The following SLC35F2 variants were observed in gnomAD, a reference collection of about 807,000 sequenced individuals.
SLC35F2 encodes solute carrier family 35 member F2.
In SLC35F2, 25 loss-of-function variants were observed where a neutral mutation model predicts 38.1. That is an observed-to-expected ratio of 0.66 (90% CI 0.48 to 0.92). The LOEUF (loss-of-function observed/expected upper bound fraction) is 0.92. Among genes scored for constraint, SLC35F2 ranks in the 40% least tolerant of loss-of-function variants. The pLI is 0.00. For missense variants in SLC35F2, 409 were observed against 452.9 expected (o/e 0.90, Z 0.88); for synonymous variants, 173 against 181.7 (o/e 0.95, Z 0.38).
chr11:107,807,481 A>G (rs1405523780), intron 3 of SLC35F2, among the ~76,000 whole-genome samples: 2 of 151,998 alleles, frequency 1.3e-5, no homozygotes, highest in Non-Finnish European at 2.9e-5. Context: ...AATACAATGG[A>G]AGAGTCAGTT....
intron 7 of SLC35F2, among the ~76,000 whole-genome samples, chr11:107,797,995 T>G (rs201427252): frequency 0.093 from 14,157 of 151,964 alleles, 1,627 homozygotes; most frequent in East Asian, 0.28. Flanking sequence ...TTTATTTTTT[T>G]TTGTTATTTT....
chr11:107,800,855 G>A (rs1347456108), intron 7 of SLC35F2, among the ~76,000 whole-genome samples: 1 of 151,784 alleles, frequency 6.6e-6, no homozygotes. Context: ...AATCCTTGAG[G>A]GGACCTAAAA....
At chr11:107,839,997 G>C (rs1337287916) in intron 1 of SLC35F2, among the ~76,000 whole-genome samples, 1 of 152,142 alleles carries the variant, frequency 6.6e-6, no homozygotes, top group South Asian at 2.1e-4. Flanking sequence ...ATATGGGTCA[G>C]AGGAACTTAA....
At chr11:107,825,398 G>C (rs1591198004) in intron 1 of SLC35F2, among the ~76,000 whole-genome samples, 1 of 139,024 alleles carries the variant, frequency 7.2e-6, no homozygotes, top group East Asian at 2.1e-4. Flanking sequence ...TTGAGATGGA[G>C]TCTCGATCTG....
At chr11:107,844,745 C>A (rs1431814484) in intron 1 of SLC35F2, among the ~76,000 whole-genome samples, 1 of 151,962 alleles carries the variant, frequency 6.6e-6, no homozygotes, top group African/African-American at 2.4e-5. Context: ...GAGGCCAAAG[C>A]GGGCGGATCA....
At chr11:107,858,102 G>A in intron 1 of SLC35F2, among the ~76,000 whole-genome samples, 1 of 152,184 alleles carries the variant, frequency 6.6e-6, no homozygotes, top group Non-Finnish European at 1.5e-5. Context: ...CTGGACCCCA[G>A]CCCTGGGGGT....
intron 1 of SLC35F2, among the ~76,000 whole-genome samples, chr11:107,839,490 G>T (rs548824909): frequency 6.6e-6 from 1 of 152,174 alleles, no homozygotes; most frequent in Non-Finnish European, 1.5e-5. Context: ...ATATTACCCT[G>T]CCTCTCTAAC....
chr11:107,805,115 G>C, intron 5 of SLC35F2: 1 of 985,332 alleles, frequency 1.0e-6, no homozygotes, highest in Non-Finnish European at 1.2e-6. Flanking sequence ...TCTACCACAT[G>C]GTAATCAGGA....
At chr11:107,829,385 C>A (rs1039070529) in intron 1 of SLC35F2, among the ~76,000 whole-genome samples, 2 of 151,204 alleles carry the variant, frequency 1.3e-5, no homozygotes, top group African/African-American at 4.9e-5. Flanking sequence ...TGCCACCGCA[C>A]TACAGTCTGG....
intron 3 of SLC35F2, among the ~76,000 whole-genome samples, chr11:107,811,413 A>G (rs1238514026): frequency 6.6e-6 from 1 of 152,198 alleles, no homozygotes; most frequent in Non-Finnish European, 1.5e-5. Context: ...TGCCAACTAA[A>G]TATTTATGCT....
At chr11:107,800,776 G>C (rs753071346) in intron 7 of SLC35F2, among the ~76,000 whole-genome samples, 1 of 152,042 alleles carries the variant, frequency 6.6e-6, no homozygotes, top group Non-Finnish European at 1.5e-5. Context: ...TGTAGGGATG[G>C]GGTTTTACCA....
chr11:107,837,157 A>C (rs1232682860), intron 1 of SLC35F2, among the ~76,000 whole-genome samples: 1 of 152,204 alleles, frequency 6.6e-6, no homozygotes, highest in Non-Finnish European at 1.5e-5. Flanking sequence ...AGTGAAGAAC[A>C]CAGGGGACAC....
intron 1 of SLC35F2, among the ~76,000 whole-genome samples, chr11:107,844,924 C>T (rs1477968657): frequency 1.4e-5 from 2 of 147,830 alleles, no homozygotes; most frequent in African/African-American, 2.5e-5. Context: ...TGCAGTGAGC[C>T]GAGATCACGT....
In SLC35F2 at chr11:107,803,405, C is replaced by T. The variant is rs924133240; in HGVS notation, c.785-250G>A. The T allele has an allele frequency of 4.5e-4, 446 of 985,234 alleles. 5 individuals are homozygous for T. Among genetic ancestry groups the T allele is most frequent in the Non-Finnish European group, 1.4e-4 (113 of 829,914 alleles). 61.0% of individuals were successfully genotyped at this position (985,234 alleles called of 1,614,324 possible). ...TATTGGATGATCAAGGTCAGAAAAT[C>T]CTGCTTATGGTGTGACAGTCCATTG... On this transcript the variant is annotated intron_variant, in intron 6 of 7. Coordinates refer to ENST00000525815, the MANE Select transcript of SLC35F2 (RefSeq NM_017515.5).
intron 4 of SLC35F2, among the ~76,000 whole-genome samples, chr11:107,806,143 T>G (rs1187011683): frequency 6.6e-6 from 1 of 152,192 alleles, no homozygotes; most frequent in African/African-American, 2.4e-5. Context: ...TCTGCTGTAA[T>G]TTTTCATAAT....
chr11:107,836,134 A>C (rs1260518764), intron 1 of SLC35F2, among the ~76,000 whole-genome samples: 1 of 152,214 alleles, frequency 6.6e-6, no homozygotes, highest in Non-Finnish European at 1.5e-5. Flanking sequence ...TTATTGGTTT[A>C]TTATTTCAAA....
chr11:107,814,478 A>C (rs61473755), intron 2 of SLC35F2, among the ~76,000 whole-genome samples: 3,799 of 150,896 alleles, frequency 0.025, 159 homozygotes, highest in African/African-American at 0.087. Flanking sequence ...AAAAAAGAAG[A>C]AGCTGCAGCT....
At position 107,806,734 on chromosome 11, in the gene SLC35F2, C is replaced by T. The variant is rs1356148493; in HGVS notation, c.557G>A (p.Gly186Glu). ...GTMVGADILA[G>E]REDNSGSDVL... Reference sequence around the variant, plus strand: ...CGTCTCACCTGAATTGTCTTCCCTCCCTGCTAGTATGTCTGCACCAACCAT... The same window carrying T: ...CGTCTCACCTGAATTGTCTTCCCTCTCTGCTAGTATGTCTGCACCAACCAT... The change falls in exon 4 of 8, where the codon GGG becomes GAG. Residue 186 changes from glycine (G) to glutamate (E), a missense_variant. Physicochemically the swap from Gly to Glu is moderately conservative, Grantham distance 98. Coordinates refer to ENST00000525815, the MANE Select transcript of SLC35F2 (RefSeq NM_017515.5). 6.2e-7 allele frequency: 1 copy of T among 1,614,066 alleles called. No individual in the cohort carries two copies.
intron 1 of SLC35F2, among the ~76,000 whole-genome samples, chr11:107,818,240 C>A (rs3099829): frequency 1.3e-5 from 2 of 151,824 alleles, no homozygotes; most frequent in East Asian, 3.9e-4. Flanking sequence ...GAGACCAGCT[C>A]GGCAACATGC....
Sources: gnomAD v4.1 joint callset for allele counts (sites outside exome capture counted in the v4.1 genomes callset) on GRCh38, gnomAD v4.1.1 for gene constraint, MANE v1.5 for transcripts, NCBI Gene and HGNC (gene_info 2026-07-23, HGNC 2026-07-21) for gene names.